Variants in TTC7B observed in about 807,000 individuals in gnomAD.
TTC7B encodes the protein tetratricopeptide repeat domain 7B, also known as tetratricopeptide repeat protein 7B.
TTC7B carries 28 observed loss-of-function variants against 106.8 expected under a neutral mutation model. The observed-to-expected ratio is 0.26, with a 90% confidence interval of 0.19 to 0.36. The LOEUF is 0.36. TTC7B is among the 10% of genes least tolerant of loss of function. The pLI, the probability that TTC7B is intolerant of heterozygous loss-of-function variation, is 1.00. For synonymous variants in TTC7B, 405 were observed against 430.6 expected (o/e 0.94, Z 0.74); for missense variants, 862 against 1,076.4 (o/e 0.80, Z 2.79).
Position 90,802,626 on chromosome 14 carries a change from G to C in TTC7B, c.121+13549C>G, listed in dbSNP as rs1267781185. ...AAAGGAAGGGAGGGAGGAGCACATGGAACAGACACTTTGGAGCATGGGAAT... is the reference window on the plus strand; with the variant it reads ...AAAGGAAGGGAGGGAGGAGCACATGCAACAGACACTTTGGAGCATGGGAAT... On this transcript the variant is annotated intron_variant, in intron 1 of 19. Coordinates refer to ENST00000328459, the MANE Select transcript of TTC7B (RefSeq NM_001010854.2). The surrounding 1 kb of genome is among the most constrained non-coding windows in gnomAD (Gnocchi z 4.7). Among the ~76,000 whole-genome samples the C allele has an allele frequency of 2.0e-5, 3 of 152,184 alleles. No individual in the cohort carries two copies. Among genetic ancestry groups the C allele is most frequent in the African/African-American group, 7.2e-5 (3 of 41,436 alleles).
Position 90,567,301 on chromosome 14 carries a change from G to A in TTC7B, c.2310+10805C>T, listed in dbSNP as rs143667784. Reference sequence around the variant, plus strand: ...ACGCTGAGGCTGGCAACTCAGGCACGTCCTGGGCTCAGGGCAGCTGTGAGT... The same window carrying A: ...ACGCTGAGGCTGGCAACTCAGGCACATCCTGGGCTCAGGGCAGCTGTGAGT... On this transcript the variant is annotated intron_variant, in intron 19 of 19. Transcript: ENST00000328459. 2.6e-3 allele frequency among the ~76,000 whole-genome samples: 390 copies of A among 152,340 alleles called. 3 individuals carry two copies. The highest frequency in any genetic ancestry group is 8.9e-3 in the African/African-American group (368 of 41,576).
chr14:90,638,298 AT>A (rs1234469900), intron 15 of TTC7B, among the ~76,000 whole-genome samples: 2 of 152,160 alleles, frequency 1.3e-5, no homozygotes, highest in Non-Finnish European at 2.9e-5. Flanking sequence ...AAAAGAAACA[AT>A]TTTAATCACC....
intron 19 of TTC7B, among the ~76,000 whole-genome samples, chr14:90,555,206 C>T (rs939739810): frequency 2.2e-4 from 33 of 152,188 alleles, no homozygotes. Context: ...GTCAGCTGAC[C>T]CTGGACCCCA....
At chr14:90,637,099 G>A (rs1001075175) in intron 15 of TTC7B, among the ~76,000 whole-genome samples, 5 of 151,874 alleles carry the variant, frequency 3.3e-5, no homozygotes, top group Admixed American at 6.6e-5. Context: ...AAAAGTTACT[G>A]GTTGTTTGAA....
chr14:90,653,947 G>A (rs987852116), intron 12 of TTC7B, among the ~76,000 whole-genome samples: 2 of 152,206 alleles, frequency 1.3e-5, no homozygotes, highest in Non-Finnish European at 2.9e-5. Flanking sequence ...TATGTCAAAA[G>A]CTATGTGCTG....
At position 90,541,375 on chromosome 14, in the gene TTC7B, A is replaced by G. The variant is rs759234388; in HGVS notation, c.2525T>C (p.Val842Ala). The G allele has an allele frequency of 6.2e-7, 1 of 1,603,092 alleles. No homozygotes were observed. Among genetic ancestry groups the G allele is most frequent in the Admixed American group, 1.7e-5 (1 of 58,886 alleles). Residue 842 changes from valine (V) to alanine (A), a missense_variant, in exon 20 of 20, where the codon GTG (valine) becomes GCG (alanine). Physicochemically the swap from Val to Ala is moderately conservative, Grantham distance 64 (BLOSUM62 0). Transcript: ENST00000328459. ...AGGCTGGCAGGCGCCTGCTCAGAGC[A>G]CGCGGGGGATGATGGTGAAGGGCAC... is the stretch of plus-strand genomic sequence containing the variant. The part of the protein sequence containing the change: ...PAVPFTIIPR[V>A]L
chr14:90,806,259 GAAC>G (rs1343559436), intron 1 of TTC7B, among the ~76,000 whole-genome samples: 2 of 152,242 alleles, frequency 1.3e-5, no homozygotes, highest in African/African-American at 4.8e-5. Context: ...AGCACTGAAT[GAAC>G]GGCTGGAGGA....
intron 15 of TTC7B, among the ~76,000 whole-genome samples, chr14:90,633,450 G>A (rs2139867556): frequency 6.6e-6 from 1 of 152,350 alleles, no homozygotes; most frequent in East Asian, 1.9e-4. Flanking sequence ...GAATGAGAAT[G>A]CAACCTTTCA....
In TTC7B at chr14:90,581,892, C is replaced by A. The variant is rs187839769; in HGVS notation, c.2108-3584G>T. 3.3e-3 allele frequency among the ~76,000 whole-genome samples: 506 copies of A among 152,266 alleles called. 3 individuals carry two copies. Among genetic ancestry groups the A allele is most frequent in the African/African-American group, 0.012 (486 of 41,538 alleles). ...CTTCACGTGATGGGGAAATGGGAGACACAGACGGAACGAAGTCAGGATCAT... is the reference window on the plus strand; with the variant it reads ...CTTCACGTGATGGGGAAATGGGAGAAACAGACGGAACGAAGTCAGGATCAT... On this transcript the variant is annotated intron_variant, in intron 18 of 19. Transcript: ENST00000328459.
At chr14:90,799,022 G>A (rs544135070) in intron 1 of TTC7B, among the ~76,000 whole-genome samples, 8 of 152,252 alleles carry the variant, frequency 5.3e-5, no homozygotes, top group East Asian at 1.9e-4. Flanking sequence ...AGGGGTTCCC[G>A]TGGCTCAGTC....
chr14:90,685,165 T>C (rs1297575101), intron 7 of TTC7B, among the ~76,000 whole-genome samples: 5 of 152,236 alleles, frequency 3.3e-5, no homozygotes, highest in Non-Finnish European at 7.3e-5. Context: ...TGTGGTTTTC[T>C]GGAGCTAGAG....
At chr14:90,709,691 AAAT>A (rs900247465) in intron 5 of TTC7B, among the ~76,000 whole-genome samples, 15 of 152,016 alleles carry the variant, frequency 9.9e-5, no homozygotes, top group African/African-American at 1.4e-4. Context: ...TATAATAATA[AAAT>A]AATAATAATA....
intron 3 of TTC7B, among the ~76,000 whole-genome samples, chr14:90,779,695 G>C (rs1311488679): frequency 6.6e-6 from 1 of 152,210 alleles, no homozygotes; most frequent in African/African-American, 2.4e-5. Context: ...ATCCTCCTAA[G>C]AGCCCCATGA....
At chr14:90,583,320 G>A (rs557565942) in intron 18 of TTC7B, among the ~76,000 whole-genome samples, 1 of 152,206 alleles carries the variant, frequency 6.6e-6, no homozygotes, top group Non-Finnish European at 1.5e-5. Flanking sequence ...ACACAACTTA[G>A]TAGGTGCTCA....
chr14:90,550,206 C>T (rs1015673368), intron 19 of TTC7B, among the ~76,000 whole-genome samples: 4 of 152,250 alleles, frequency 2.6e-5, no homozygotes, highest in East Asian at 1.9e-4. Context: ...GCAGCTTTGA[C>T]GGGACAAGAG....
intron 16 of TTC7B, among the ~76,000 whole-genome samples, chr14:90,613,863 G>A (rs941650927): frequency 1.3e-5 from 2 of 152,254 alleles, no homozygotes; most frequent in Admixed American, 6.5e-5. Flanking sequence ...GCGTAGATGC[G>A]CACATGCAGG....
chr14:90,766,306 A>G (rs1043820883), intron 3 of TTC7B, among the ~76,000 whole-genome samples: 9 of 152,186 alleles, frequency 5.9e-5, no homozygotes, highest in African/African-American at 2.2e-4. Flanking sequence ...GAGGAAAAGT[A>G]TATATCAACT....
intron 18 of TTC7B, among the ~76,000 whole-genome samples, chr14:90,591,507 C>T (rs1481934331): frequency 6.6e-6 from 1 of 152,234 alleles, no homozygotes; most frequent in Admixed American, 6.5e-5. Flanking sequence ...AGGCACCAGA[C>T]AGAGCTCTCC....
At chr14:90,756,858 A>G (rs941848398) in intron 3 of TTC7B, among the ~76,000 whole-genome samples, 5 of 152,000 alleles carry the variant, frequency 3.3e-5, no homozygotes, top group African/African-American at 1.2e-4. Context: ...AAGAGAACCA[A>G]TGAGGAGCCG....
Sources: gnomAD v4.1 joint callset for allele counts (sites outside exome capture counted in the v4.1 genomes callset) on GRCh38, gnomAD v4.1.1 for gene constraint, Gnocchi (gnomAD v3.1) non-coding constraint, MANE v1.5 for transcripts, NCBI Gene and HGNC (gene_info 2026-07-23, HGNC 2026-07-21) for gene names.